The following DNAH14 variants were observed in gnomAD, a reference collection of about 807,000 sequenced individuals.
DNAH14 encodes dynein axonemal heavy chain 14.
Under a neutral mutation model 520.9 loss-of-function variants are expected in DNAH14, and 478 were observed. That is an observed-to-expected ratio of 0.92 (90% CI 0.85 to 0.99). The LOEUF (loss-of-function observed/expected upper bound fraction) is 0.99, where lower values mean the gene tolerates loss of function less well. DNAH14 is among the 50% of genes least tolerant of loss of function. DNAH14 has a pLI of 0.00. For synonymous variants in DNAH14, 1,581 were observed against 1,757.2 expected (o/e 0.90, Z 2.51); for missense variants, 4,831 against 5,234.5 (o/e 0.92, Z 2.38).
In DNAH14 at chr1:224,960,157, C is replaced by T; in HGVS notation, c.222C>T (p.Tyr74=). ...ESLKSEKTED[Y]LRESIIQQHM... ...TAATAATGGTTTTATTTTCAGATTA[C>T]CTTAGAGAAAGTATAATTCAACAAC... The change falls in exon 4 of 86, where the codon TAC becomes TAT. Residue 74 remains tyrosine, a synonymous_variant. Transcript: ENST00000682510. 1 of 1,581,858 alleles carries T rather than the reference C, an allele frequency of 6.3e-7. No individual in the cohort carries two copies. The highest frequency in any genetic ancestry group is 8.6e-7 in the Non-Finnish European group (1 of 1,168,214).
At chr1:225,121,836 A>G (rs1011677052) in intron 26 of DNAH14, among the ~76,000 whole-genome samples, 3 of 151,902 alleles carry the variant, frequency 2.0e-5, no homozygotes, top group African/African-American at 7.2e-5. Context: ...GCGAGACTCC[A>G]TCTCAAATTA....
chr1:225,358,276 A>G (rs1026694639), intron 73 of DNAH14, among the ~76,000 whole-genome samples: 2 of 152,202 alleles, frequency 1.3e-5, no homozygotes, highest in African/African-American at 2.4e-5. Context: ...ATAGAGGCAC[A>G]GGTAGCGCTG....
At chr1:225,139,390 C>A (rs1559078778) in intron 27 of DNAH14, among the ~76,000 whole-genome samples, 1 of 152,228 alleles carries the variant, frequency 6.6e-6, no homozygotes, top group Non-Finnish European at 1.5e-5. Flanking sequence ...CAGCTTCAAT[C>A]ATTGAATGTT....
chr1:225,264,249 A>G lies in DNAH14; in HGVS notation c.7210A>G (p.Thr2404Ala), dbSNP rs1416813149. Reference protein sequence around the residue: ...ILIPETHKTATGSSDNPTKKP... With the variant: ...ILIPETHKTAAGSSDNPTKKP... The stretch of plus-strand genomic sequence containing the variant: ...GATTCCTGAAACTCATAAGACAGCA[A>G]CTGGAAGTTCAGGTATATATTATAG... The change falls in exon 47 of 86, where the codon ACT becomes GCT. Residue 2404 changes from threonine to alanine, a missense_variant. Thr to Ala is a moderately conservative substitution (Grantham distance 58, BLOSUM62 0). Transcript: ENST00000682510. 1.3e-6 allele frequency: 2 copies of G among 1,549,838 alleles called. No individual in the cohort carries two copies. The highest frequency in any genetic ancestry group is 1.7e-6 in the Non-Finnish European group (2 of 1,145,636).
At chr1:225,133,405 A>G (rs2078634389) in intron 27 of DNAH14, among the ~76,000 whole-genome samples, 1 of 152,122 alleles carries the variant, frequency 6.6e-6, no homozygotes, top group African/African-American at 2.4e-5. Context: ...ATTTTCGTAT[A>G]TGGTGTAAGG....
At chr1:225,203,833 A>AG (rs1449103244) in intron 38 of DNAH14, among the ~76,000 whole-genome samples, 1 of 148,140 alleles carries the variant, frequency 6.8e-6, no homozygotes, top group Non-Finnish European at 1.5e-5. Flanking sequence ...AGGAAAGTCT[A>AG]GAAAAAAAAA....
At chr1:225,324,699 CG>C (rs1558388455) in intron 63 of DNAH14, 37 bp from the exon 64 acceptor site, 6 of 1,491,372 alleles carry the variant, frequency 4.0e-6, no homozygotes, top group South Asian at 2.5e-5. Flanking sequence ...GTAAACCCGA[CG>C]TTTTTGACAC....
intron 55 of DNAH14, among the ~76,000 whole-genome samples, chr1:225,294,430 A>G (rs2093961535): frequency 6.6e-6 from 1 of 152,184 alleles, no homozygotes; most frequent in African/African-American, 2.4e-5. Context: ...TGGTTTTGGT[A>G]TCAGTGTTAT....
chr1:225,173,427 G>A (rs532463811), intron 36 of DNAH14, among the ~76,000 whole-genome samples: 29 of 151,968 alleles, frequency 1.9e-4, no homozygotes, highest in Middle Eastern at 3.4e-3. Context: ...AGAACAAACA[G>A]CCCCATCAAA....
chr1:225,008,851 A>G (rs2064434043), intron 10 of DNAH14, among the ~76,000 whole-genome samples: 1 of 151,948 alleles, frequency 6.6e-6, no homozygotes, highest in Admixed American at 6.6e-5. Flanking sequence ...TGTTGGCCAC[A>G]TGAATGTCTT....
chr1:225,128,008 C>A (rs1018871072), intron 27 of DNAH14, among the ~76,000 whole-genome samples: 5 of 152,120 alleles, frequency 3.3e-5, no homozygotes, highest in Non-Finnish European at 7.3e-5. Context: ...GTTGAAAATT[C>A]TTTTCTTTAA....
chr1:225,396,440 C>T (rs2096011825), intron 84 of DNAH14: 1 of 152,180 alleles, frequency 6.6e-6, no homozygotes, highest in Non-Finnish European at 1.5e-5. Context: ...TTCTGTAGGT[C>T]AGGAAACTAA....
intron 12 of DNAH14, among the ~76,000 whole-genome samples, chr1:225,039,212 T>G (rs1282708108): frequency 7.3e-6 from 1 of 136,796 alleles, no homozygotes; most frequent in Non-Finnish European, 1.7e-5. Flanking sequence ...AGGAGTGATG[T>G]TGTATGCTAT....
intron 83 of DNAH14, among the ~76,000 whole-genome samples, chr1:225,390,149 A>G (rs889458399): frequency 6.6e-6 from 1 of 152,108 alleles, no homozygotes; most frequent in Admixed American, 6.5e-5. Flanking sequence ...CATTGCTTCT[A>G]TGATGTCAAA....
At chr1:225,359,380 G>A (rs778255324) in intron 74 of DNAH14, among the ~76,000 whole-genome samples, 6 of 152,148 alleles carry the variant, frequency 3.9e-5, no homozygotes, top group Non-Finnish European at 5.9e-5. Context: ...GCAAAAATAT[G>A]TTACAAAATA....
intron 60 of DNAH14, among the ~76,000 whole-genome samples, chr1:225,314,929 C>G (rs1351811894): frequency 6.6e-6 from 1 of 152,118 alleles, no homozygotes; most frequent in Non-Finnish European, 1.5e-5. Context: ...GGTTGCTCTT[C>G]TCGAGGAGTA....
intron 75 of DNAH14, among the ~76,000 whole-genome samples, chr1:225,361,317 T>C (rs2095489726): frequency 6.6e-6 from 1 of 152,228 alleles, no homozygotes; most frequent in South Asian, 2.1e-4. Context: ...ATTCTGACTT[T>C]CTCTAGCTCA....
intron 30 of DNAH14, 21 bp downstream of exon 30, chr1:225,145,400 T>C: frequency 6.6e-7 from 1 of 1,520,640 alleles, no homozygotes; most frequent in Non-Finnish European, 8.9e-7. Context: ...AACATATGTG[T>C]CAGGAAGAAA....
chr1:225,304,229 C>A (rs2094196333), intron 57 of DNAH14, among the ~76,000 whole-genome samples: 1 of 152,084 alleles, frequency 6.6e-6, no homozygotes, highest in South Asian at 2.1e-4. Context: ...CCTTGAGTAT[C>A]TTGCTATTGA....
Sources: gnomAD v4.1 joint callset for allele counts (sites outside exome capture counted in the v4.1 genomes callset) on GRCh38, gnomAD v4.1.1 for gene constraint, MANE v1.5 for transcripts, NCBI Gene and HGNC (gene_info 2026-07-23, HGNC 2026-07-21) for gene names.